PSEN1: variants seen among roughly 807,000 people sequenced by gnomAD.
PSEN1 encodes the protein presenilin-1.
Under a neutral mutation model 53.5 loss-of-function variants are expected in PSEN1, and 15 were observed. The observed-to-expected ratio is 0.28, with a 90% CI of 0.19 to 0.43. The LOEUF (loss-of-function observed/expected upper bound fraction) is 0.43. PSEN1 is among the 20% of genes least tolerant of loss of function. The probability of loss-of-function intolerance (pLI) is 1.00; values close to 1 mark genes in which losing one functional copy is unlikely to be tolerated. For synonymous variants in PSEN1, 208 were observed against 209.8 expected, an observed-to-expected ratio of 0.99 and a Z score of 0.08; for missense variants, 387 against 571.2, an observed-to-expected ratio of 0.68 and a Z score of 3.29.
intron 7 of PSEN1, among the ~76,000 whole-genome samples, chr14:73,193,387 A>AT (rs1459520125): frequency 6.6e-6 from 1 of 151,818 alleles, no homozygotes; most frequent in Non-Finnish European, 1.5e-5. Flanking sequence ...TCTACTAAAA[A>AT]TACAAAAATT....
At chr14:73,145,042 G>A (rs1188106720) in intron 1 of PSEN1, among the ~76,000 whole-genome samples, 1 of 152,056 alleles carries the variant, frequency 6.6e-6, no homozygotes, top group Non-Finnish European at 1.5e-5. Flanking sequence ...ACAGGCACGA[G>A]CTACCATGCC....
intron 10 of PSEN1, among the ~76,000 whole-genome samples, chr14:73,214,798 C>T (rs998263439): frequency 2.0e-5 from 3 of 151,788 alleles, no homozygotes; most frequent in Middle Eastern, 3.2e-3. Flanking sequence ...AATGAAGGGT[C>T]GTTTAATGGG....
chr14:73,169,728 C>T (rs923060386), intron 3 of PSEN1, among the ~76,000 whole-genome samples: 1 of 152,032 alleles, frequency 6.6e-6, no homozygotes. Flanking sequence ...TCACTGCAGC[C>T]TCCACCACCC....
intron 3 of PSEN1, among the ~76,000 whole-genome samples, chr14:73,149,324 T>G (rs993128689): frequency 3.9e-5 from 6 of 151,904 alleles, no homozygotes; most frequent in Admixed American, 6.6e-5. Flanking sequence ...GTTCTGTGTT[T>G]TTTTTTTTTT....
intron 10 of PSEN1, among the ~76,000 whole-genome samples, chr14:73,213,834 AG>A (rs1899799981): frequency 6.6e-6 from 1 of 152,250 alleles, no homozygotes; most frequent in African/African-American, 2.4e-5. Flanking sequence ...TAAAAAAGAT[AG>A]ACAATAACAG....
At position 73,223,489 on chromosome 14, in the gene PSEN1, T is replaced by G. The variant is rs1362977710; in HGVS notation, c.*4200T>G. 1 of 152,266 alleles carries G rather than the reference T, an allele frequency of 6.6e-6. No homozygotes were observed. Among genetic ancestry groups the G allele is most frequent in the Admixed American group, 6.5e-5 (1 of 15,280 alleles). 9.4% of individuals were successfully genotyped at this position (152,266 alleles called of 1,614,324 possible). On this transcript the variant is annotated 3_prime_UTR_variant, in exon 12 of 12. Transcript: ENST00000324501. ...TTGTTTTTGGTGTCCTTGGAGGTGC[T>G]GGGGTGAGGGTTTCAGTGGGATCAT... is the stretch of plus-strand genomic sequence containing the variant.
chr14:73,180,692 C>G (rs1566634312), intron 5 of PSEN1, among the ~76,000 whole-genome samples: 2 of 152,180 alleles, frequency 1.3e-5, no homozygotes, highest in Non-Finnish European at 1.5e-5. Context: ...AGAGAAGATA[C>G]TGTTGTGTAC....
intron 6 of PSEN1, among the ~76,000 whole-genome samples, chr14:73,191,578 T>TG (rs1898719261): frequency 6.6e-6 from 1 of 152,088 alleles, no homozygotes; most frequent in Admixed American, 6.6e-5. Flanking sequence ...TTTAGGGTCT[T>TG]GCTGTGTTGC....
intron 7 of PSEN1, 197 bp from the exon 8 acceptor site, chr14:73,197,834 A>G (rs897840373): frequency 1.7e-6 from 1 of 580,844 alleles, no homozygotes; most frequent in African/African-American, 1.9e-5. Flanking sequence ...GTTCTGTGTC[A>G]TTTTATTTTG....
chr14:73,161,372 A>G (rs137863233), intron 3 of PSEN1, among the ~76,000 whole-genome samples: 3 of 152,042 alleles, frequency 2.0e-5, no homozygotes, highest in Admixed American at 6.5e-5. Flanking sequence ...CCATTTGTCT[A>G]TTTTTGTTTT....
Position 73,211,921 on chromosome 14 carries a change from G to T in PSEN1, c.1108G>T (p.Ala370Ser), listed in dbSNP as rs760139599. The T allele has an allele frequency of 4.3e-6, 7 of 1,613,708 alleles. No homozygotes were observed. The Admixed American group carries it at 1.0e-4, about 23-fold the overall frequency. ...AVQELSSSILAGEDPEERGVK... is the reference protein window; with the variant it reads ...AVQELSSSILSGEDPEERGVK... ...CCAGGAACTTTCCAGCAGTATCCTC[G>T]CTGGTGAAGACCCAGAGGAAAGTAT... is the stretch of plus-strand genomic sequence containing the variant. Residue 370 changes from alanine to serine, a missense_variant, in exon 10 of 12, where the codon GCT (alanine) becomes TCT (serine). By Grantham distance (99) the Ala-to-Ser change is moderately conservative (BLOSUM62 1). Around this residue, in one of 4 missense-constraint regions of PSEN1, gnomAD observed 75 missense variants for 63.7 expected, o/e 1.18. Coordinates refer to ENST00000324501, the MANE Select transcript of PSEN1 (RefSeq NM_000021.4).
chr14:73,206,526 C>A, intron 9 of PSEN1, 54 bp downstream of exon 9: 1 of 1,185,578 alleles, frequency 8.4e-7, no homozygotes, highest in Non-Finnish European at 1.3e-6. Context: ...CTGTTATAAG[C>A]TAACAGTATA....
intron 8 of PSEN1, 31 bp downstream of exon 8, chr14:73,198,160 A>C: frequency 7.9e-7 from 1 of 1,266,584 alleles, no homozygotes; most frequent in Non-Finnish European, 1.2e-6. Context: ...TTGAATTAGT[A>C]ATCAGTGTAG....
chr14:73,157,322 A>G (rs551780641), intron 3 of PSEN1, among the ~76,000 whole-genome samples: 7 of 151,262 alleles, frequency 4.6e-5, no homozygotes, highest in African/African-American at 1.7e-4. Flanking sequence ...TTTTTTAAGT[A>G]CAGATGGGGT....
At chr14:73,171,480 C>A (rs898873608) in intron 4 of PSEN1, among the ~76,000 whole-genome samples, 2 of 152,104 alleles carry the variant, frequency 1.3e-5, no homozygotes, top group African/African-American at 2.4e-5. Flanking sequence ...CCTTTTAATT[C>A]TCAGCAAGGC....
At chr14:73,181,095 G>T (rs1898198058) in intron 5 of PSEN1, among the ~76,000 whole-genome samples, 1 of 152,108 alleles carries the variant, frequency 6.6e-6, no homozygotes, top group African/African-American at 2.4e-5. Flanking sequence ...TAAGGCAAAG[G>T]TTCAATTGTG....
intron 5 of PSEN1, among the ~76,000 whole-genome samples, chr14:73,186,232 A>T (rs1898504906): frequency 6.6e-6 from 1 of 152,128 alleles, no homozygotes; most frequent in Non-Finnish European, 1.5e-5. Flanking sequence ...ATACAGAATT[A>T]GCCAGGTGTG....
intron 10 of PSEN1, among the ~76,000 whole-genome samples, chr14:73,212,865 G>A (rs931875329): frequency 2.0e-5 from 3 of 152,242 alleles, no homozygotes; most frequent in African/African-American, 7.2e-5. Flanking sequence ...GTTATTTTTG[G>A]TTGTCTTGTT....
chr14:73,147,694 C>A, intron 1 of PSEN1, 101 bp from the exon 2 acceptor site: 1 of 349,980 alleles, frequency 2.9e-6, no homozygotes, highest in Non-Finnish European at 5.5e-6. Context: ...CAAATTAATA[C>A]ATTCCTGGTT....
Sources: gnomAD v4.1 joint callset for allele counts (sites outside exome capture counted in the v4.1 genomes callset) on GRCh38, gnomAD v4.1.1 for gene constraint, gnomAD v4.1.1 regional missense constraint, MANE v1.5 for transcripts, NCBI Gene and HGNC (gene_info 2026-07-23, HGNC 2026-07-21) for gene names.